ZDHHC3: variants seen among roughly 807,000 people sequenced by gnomAD.
ZDHHC3 encodes palmitoyltransferase ZDHHC3.
ZDHHC3 carries 9 observed loss-of-function variants against 30.6 expected under a neutral mutation model. That is an observed-to-expected ratio of 0.29 (90% CI 0.18 to 0.51). The LOEUF (loss-of-function observed/expected upper bound fraction) is 0.51, where lower values mean the gene tolerates loss of function less well. Among genes scored for constraint, ZDHHC3 ranks in the 20% least tolerant of loss-of-function variants. The pLI is 0.97. For missense variants in ZDHHC3, 246 were observed against 384.2 expected (o/e 0.64, Z 3.01); for synonymous variants, 136 against 140.2 (o/e 0.97, Z 0.21).
At chr3:44,931,713 G>C (rs1276259505) in intron 5 of ZDHHC3, among the ~76,000 whole-genome samples, 1 of 152,170 alleles carries the variant, frequency 6.6e-6, no homozygotes, top group Non-Finnish European at 1.5e-5. Context: ...AGCATGGCTG[G>C]GAGGACCCTG....
rs1700619624 is a variant in ZDHHC3, at chr3:44,921,903, C to T, written c.*4786G>A. On this transcript the variant is annotated 3_prime_UTR_variant, in exon 7 of 7. Coordinates refer to ENST00000424952, the MANE Select transcript of ZDHHC3 (RefSeq NM_001135179.2). Reference sequence around the variant, plus strand: ...TGTCCGTGTTAGAGCATGTGCGGCCCCTAGAAGGCTTTTAGCGAACGTCCC... The same window carrying T: ...TGTCCGTGTTAGAGCATGTGCGGCCTCTAGAAGGCTTTTAGCGAACGTCCC... The T allele has an allele frequency of 1.0e-6, 1 of 985,284 alleles. No homozygotes were observed. Among genetic ancestry groups the T allele is most frequent in the Admixed American group, 6.1e-5 (1 of 16,262 alleles). 61.0% of individuals were successfully genotyped at this position (985,284 alleles called of 1,614,324 possible).
chr3:44,973,372 T>A lies in ZDHHC3; in HGVS notation c.-25+2561A>T, dbSNP rs145713725. On this transcript the variant is annotated intron_variant, in intron 1 of 6. Coordinates refer to ENST00000424952, the MANE Select transcript of ZDHHC3 (RefSeq NM_001135179.2). ...GTGACCCTGGTTAAGGCATTTAACC[T>A]CTCTGTGCCTCATTTCCCAATCTGT... Among the ~76,000 whole-genome samples the A allele has an allele frequency of 7.2e-3, 1,101 of 152,354 alleles. 12 individuals carry two copies. The highest frequency in any genetic ancestry group is 0.024 in the Middle Eastern group (7 of 294).
chr3:44,945,131 G>A (rs751310514), intron 3 of ZDHHC3, 37 bp downstream of exon 3: 2 of 1,612,940 alleles, frequency 1.2e-6, no homozygotes, highest in East Asian at 2.2e-5. Context: ...AGGCAGGACA[G>A]TGGGAGAAGA....
chr3:44,965,939 CACA>C (rs1413923354), intron 1 of ZDHHC3, among the ~76,000 whole-genome samples: 1 of 152,184 alleles, frequency 6.6e-6, no homozygotes, highest in Non-Finnish European at 1.5e-5. Context: ...TTCTCACATC[CACA>C]TGAACATTCA....
chr3:44,959,349 G>A lies in ZDHHC3; in HGVS notation c.88C>T (p.Pro30Ser), dbSNP rs779592815. Residue 30 changes from proline to serine, a missense_variant, in exon 2 of 7, where the codon CCT becomes TCT. Transcript: ENST00000424952. This position sits in a 1 kb window ranked among gnomAD's most constrained non-coding sequence, Gnocchi z 4.3. Reference protein sequence around the residue: ...QPEKCVPPPYPGPVGTMWFIR... With the variant: ...QPEKCVPPPYSGPVGTMWFIR... ...AACCACATGGTTCCCACAGGACCAG[G>A]GTAGGGGGGTGGGACACACTTCTCT... The A allele has an allele frequency of 1.2e-6, 2 of 1,614,256 alleles. No homozygotes were observed. The highest frequency in any genetic ancestry group is 1.7e-5 in the Admixed American group (1 of 60,030).
rs949259224 is a variant in ZDHHC3 at position 44,920,168 on chromosome 3, T to G, written c.*6521A>C. On this transcript the variant is annotated 3_prime_UTR_variant, in exon 7 of 7. Coordinates refer to ENST00000424952, the MANE Select transcript of ZDHHC3 (RefSeq NM_001135179.2). Reference sequence around the variant, plus strand: ...AAATAGTTGTTTCAGAAAATGGATCTTGTTGACACAAGTCTAAAGGGACCT... The same window carrying G: ...AAATAGTTGTTTCAGAAAATGGATCGTGTTGACACAAGTCTAAAGGGACCT... 168 of 1,269,910 alleles carry G rather than the reference T, an allele frequency of 1.3e-4. No homozygotes were observed. The highest frequency in any genetic ancestry group is 1.7e-4 in the Non-Finnish European group (163 of 974,822). 78.7% of individuals were successfully genotyped at this position (1,269,910 alleles called of 1,614,324 possible).
At chr3:44,929,536 G>A (rs1701307558) in intron 5 of ZDHHC3, 100 bp from the exon 6 acceptor site, 1 of 1,497,792 alleles carries the variant, frequency 6.7e-7, no homozygotes, top group Admixed American at 2.0e-5. Context: ...CTGCTTGCAG[G>A]CCTTCATTCC....
In ZDHHC3 at chr3:44,922,627, C is replaced by A; in HGVS notation, c.*4062G>T. 2 of 985,338 alleles carry A rather than the reference C, an allele frequency of 2.0e-6. No individual in the cohort carries two copies. Among genetic ancestry groups the A allele is most frequent in the Non-Finnish European group, 2.4e-6 (2 of 829,912 alleles). The allele number at this position is 985,338 out of a possible 1,614,324, so 61.0% of individuals were successfully genotyped here. A position where few individuals can be genotyped will look rare whatever the true frequency, so the allele number is the denominator to read the frequency against. On this transcript the variant is annotated 3_prime_UTR_variant, in exon 7 of 7. Transcript: ENST00000424952. ...ACACAAGACCCATATCACCAGCAGG[C>A]ATCAGGGACCACCTGAGGGGGGACT...
chr3:44,964,363 G>C lies in ZDHHC3; in HGVS notation c.-24-4903C>G, dbSNP rs145618173. ...TACTGCTTACAAAAAGGCAAGGGGG[G>C]CCGGGTGGGCCTGGCAGGAAAATTG... On this transcript the variant is annotated intron_variant, in intron 1 of 6. Transcript: ENST00000424952. 1.4e-4 allele frequency among the ~76,000 whole-genome samples: 22 copies of C among 152,322 alleles called. No homozygotes were observed. The South Asian group carries it at 3.1e-3, about 22-fold the overall frequency.
intron 1 of ZDHHC3, among the ~76,000 whole-genome samples, chr3:44,974,237 A>T (rs1018438957): frequency 1.3e-5 from 2 of 152,214 alleles, no homozygotes; most frequent in African/African-American, 4.8e-5. Flanking sequence ...ACCCTTGTCC[A>T]GTATGGAATT....
chr3:44,937,210 C>T (rs564630401), intron 3 of ZDHHC3, among the ~76,000 whole-genome samples: 4 of 152,094 alleles, frequency 2.6e-5, no homozygotes, highest in Admixed American at 2.6e-4. Context: ...TCTGGGAGGC[C>T]GAGGCAGGCA....
chr3:44,972,077 C>G (rs985362112), intron 1 of ZDHHC3, among the ~76,000 whole-genome samples: 3 of 152,072 alleles, frequency 2.0e-5, no homozygotes, highest in Non-Finnish European at 4.4e-5. Context: ...TTCAAGGGTG[C>G]TGGGCTAATG....
chr3:44,924,454 ATAC>A lies in ZDHHC3; in HGVS notation c.*2232_*2234del. The A allele has an allele frequency of 1.0e-6, 1 of 985,468 alleles. No homozygotes were observed. Among genetic ancestry groups the A allele is most frequent in the Non-Finnish European group, 1.2e-6 (1 of 829,930 alleles). The allele number at this position is 985,468 out of a possible 1,614,324, so 61.0% of individuals were successfully genotyped here. On this transcript the variant is annotated 3_prime_UTR_variant, in exon 7 of 7. Transcript: ENST00000424952. ...CATTGACTCTTTCTAGCCAAGGCCT[ATAC>A]AAAACCAGAGGCAGAATCCTATAGG...
chr3:44,942,192 C>T (rs984488773), intron 3 of ZDHHC3, among the ~76,000 whole-genome samples: 4 of 152,256 alleles, frequency 2.6e-5, no homozygotes, highest in Non-Finnish European at 2.9e-5. Context: ...TTTGCCTGAG[C>T]GGGCAAGGTC....
In ZDHHC3 at chr3:44,959,504, T is replaced by C; in HGVS notation, c.-24-44A>G. On this transcript the variant is annotated intron_variant, in intron 1 of 6. Coordinates refer to ENST00000424952, the MANE Select transcript of ZDHHC3 (RefSeq NM_001135179.2). This position sits in a 1 kb window ranked among gnomAD's most constrained non-coding sequence, Gnocchi z 4.3. ...AATCCAGAAACTTGGTGTTGTCTTG[T>C]CATCAAGGAGGTTTGACAAAATTGC... The C allele has an allele frequency of 6.5e-7, 1 of 1,547,636 alleles. No individual in the cohort carries two copies. The highest frequency in any genetic ancestry group is 8.7e-7 in the Non-Finnish European group (1 of 1,143,072).
In ZDHHC3 at chr3:44,915,266, G is replaced by A. The variant is rs1437789704; in HGVS notation, c.*11423C>T. On this transcript the variant is annotated 3_prime_UTR_variant, in exon 7 of 7. Transcript: ENST00000424952. ...AAACAGGAGACTCCAGTCACTGAGG[G>A]TGAGCAAAGAGCTTTTTATTCAAAG... The A allele has an allele frequency of 3.9e-5, 6 of 152,194 alleles. No homozygotes were observed. Among genetic ancestry groups the A allele is most frequent in the Non-Finnish European group, 8.8e-5 (6 of 68,048 alleles). The allele number at this position is 152,194 out of a possible 1,614,324, so 9.4% of individuals were successfully genotyped here.
In ZDHHC3 at chr3:44,925,239, A is replaced by G. The variant is rs1228632354; in HGVS notation, c.*1450T>C. 4 of 985,780 alleles carry G rather than the reference A, an allele frequency of 4.1e-6. No individual in the cohort carries two copies. In the African/African-American group the frequency reaches 7.0e-5, roughly 17 times the overall value. 61.1% of individuals were successfully genotyped at this position (985,780 alleles called of 1,614,324 possible). On this transcript the variant is annotated 3_prime_UTR_variant, in exon 7 of 7. Transcript: ENST00000424952. ...ACTGACAGAATTGAAAAGTGGCAGC[A>G]TGTTCCACTTACTTTTCTGAAAAAT...
rs1700510625 is a variant in ZDHHC3 at position 44,920,398 on chromosome 3, C to T, written c.*6291G>A. On this transcript the variant is annotated 3_prime_UTR_variant, in exon 7 of 7. Coordinates refer to ENST00000424952, the MANE Select transcript of ZDHHC3 (RefSeq NM_001135179.2). ...AGCTGGGACATCACCATATGGCAGA[C>T]CCGGCTACAGAGGAAACACCCAAAA... is the stretch of plus-strand genomic sequence containing the variant. 6 of 1,279,048 alleles carry T rather than the reference C, an allele frequency of 4.7e-6. No homozygotes were observed. Among genetic ancestry groups the T allele is most frequent in the South Asian group, 2.5e-5 (2 of 80,590 alleles). The allele number at this position is 1,279,048 out of a possible 1,614,324, so 79.2% of individuals were successfully genotyped here.
chr3:44,948,170 AC>A (rs1191696606), intron 2 of ZDHHC3, among the ~76,000 whole-genome samples: 3 of 152,206 alleles, frequency 2.0e-5, no homozygotes, highest in Non-Finnish European at 4.4e-5. Context: ...GAGTGAAAGT[AC>A]AGTTTATTAG....
Sources: allele counts gnomAD v4.1 joint callset (sites outside exome capture counted in the v4.1 genomes callset), GRCh38; gene constraint gnomAD v4.1.1; non-coding constraint Gnocchi (gnomAD v3.1); transcripts MANE v1.5; gene names NCBI Gene and HGNC (gene_info 2026-07-23, HGNC 2026-07-21).